ATP8A2: variants seen among roughly 807,000 people sequenced by gnomAD.
ATP8A2 encodes phospholipid-transporting ATPase IB.
A neutral mutation model predicts 165.6 loss-of-function variants in ATP8A2; 100 were observed. The observed-to-expected ratio is 0.60, with a 90% CI of 0.51 to 0.71. ATP8A2 has a LOEUF of 0.71. Ranked by LOEUF, ATP8A2 falls within the 30% of genes least tolerant of loss-of-function variation. The pLI is 0.00. For missense variants in ATP8A2, 1,227 were observed against 1,479.5 expected (o/e 0.83, Z 2.80); for synonymous variants, 543 against 548.8 (o/e 0.99, Z 0.15).
rs74932295 is a variant in ATP8A2, at chr13:25,749,329, A to C, written c.2385-19717A>C. Among the ~76,000 whole-genome samples, 534 of 152,010 alleles carry C rather than the reference A, an allele frequency of 3.5e-3. 4 individuals are homozygous for C. Among genetic ancestry groups the C allele is most frequent in the African/African-American group, 0.012 (510 of 41,450 alleles). ...GGGGGAAGTGAAGCTGGCAGAGGGG[A>C]AGGAGGGCCTGACGGAGATGGGAGA... On this transcript the variant is annotated intron_variant, in intron 25 of 36. Transcript: ENST00000381655.
intron 25 of ATP8A2, among the ~76,000 whole-genome samples, chr13:25,746,565 AG>A (rs2044035714): frequency 6.6e-6 from 1 of 152,244 alleles, no homozygotes; most frequent in South Asian, 2.1e-4. Flanking sequence ...AGTGCCTTAG[AG>A]TTAGAAAACA....
intron 25 of ATP8A2, among the ~76,000 whole-genome samples, chr13:25,767,653 C>T (rs1239687390): frequency 6.6e-6 from 1 of 152,200 alleles, no homozygotes; most frequent in Non-Finnish European, 1.5e-5. Context: ...AGTGGTCGCA[C>T]CTACTGCAGG....
chr13:25,644,672 C>T (rs9511856), intron 24 of ATP8A2, among the ~76,000 whole-genome samples: 37,596 of 151,920 alleles, frequency 0.25, 4,938 homozygotes, highest in South Asian at 0.46. Context: ...ACAGTGGAGC[C>T]ATCTAGCCTT....
intron 2 of ATP8A2, among the ~76,000 whole-genome samples, chr13:25,489,046 T>C (rs1298742117): frequency 6.6e-6 from 1 of 151,960 alleles, no homozygotes; most frequent in Non-Finnish European, 1.5e-5. Flanking sequence ...GTTGAGTGGA[T>C]TGTTTTCATG....
At chr13:25,492,087 C>T (rs2036544604) in intron 2 of ATP8A2, among the ~76,000 whole-genome samples, 1 of 152,262 alleles carries the variant, frequency 6.6e-6, no homozygotes, top group South Asian at 2.1e-4. Context: ...GACGGAGTCT[C>T]ACTCTGTTGT....
intron 4 of ATP8A2, among the ~76,000 whole-genome samples, chr13:25,531,817 C>T (rs1444891968): frequency 6.6e-6 from 1 of 152,094 alleles, no homozygotes; most frequent in African/African-American, 2.4e-5. Flanking sequence ...GACTTGGGTC[C>T]CATCCCAGAG....
In ATP8A2 at chr13:25,396,134, G is replaced by A. The variant is rs187160874; in HGVS notation, c.76+23846G>A. Among the ~76,000 whole-genome samples the A allele has an allele frequency of 5.9e-3, 892 of 152,246 alleles. 3 individuals carry two copies. Among genetic ancestry groups the A allele is most frequent in the Non-Finnish European group, 8.6e-3 (584 of 68,012 alleles). On this transcript the variant is annotated intron_variant, in intron 1 of 36. Coordinates refer to ENST00000381655, the MANE Select transcript of ATP8A2 (RefSeq NM_016529.6). ...TGAGATTACAGGTGTGAGCCACCAC[G>A]CCCAGCCCTGATCCAATGTTAATAG...
intron 33 of ATP8A2, among the ~76,000 whole-genome samples, chr13:25,947,831 G>C (rs1032490054): frequency 1.3e-5 from 2 of 152,084 alleles, no homozygotes; most frequent in Non-Finnish European, 2.9e-5. Flanking sequence ...ATCTGTTTGG[G>C]CACAGAATTA....
At chr13:25,501,742 A>G (rs2036858185) in intron 2 of ATP8A2, among the ~76,000 whole-genome samples, 1 of 152,236 alleles carries the variant, frequency 6.6e-6, no homozygotes, top group Non-Finnish European at 1.5e-5. Context: ...AAGGTAGCAT[A>G]AAGCTCAATG....
intron 24 of ATP8A2, among the ~76,000 whole-genome samples, chr13:25,622,705 C>T (rs1343356965): frequency 6.6e-6 from 1 of 152,172 alleles, no homozygotes; most frequent in Non-Finnish European, 1.5e-5. Context: ...TCTTCAGCAT[C>T]TCCAGGGGAA....
At chr13:25,763,878 C>A (rs929448490) in intron 25 of ATP8A2, among the ~76,000 whole-genome samples, 1 of 152,114 alleles carries the variant, frequency 6.6e-6, no homozygotes, top group African/African-American at 2.4e-5. Context: ...GCCATGGAGG[C>A]ATTTAATAAA....
At chr13:25,445,668 G>A (rs1385502022) in intron 1 of ATP8A2, among the ~76,000 whole-genome samples, 1 of 152,178 alleles carries the variant, frequency 6.6e-6, no homozygotes, top group Non-Finnish European at 1.5e-5. Flanking sequence ...ATTTTACAGA[G>A]GAGGACTCAT....
intron 27 of ATP8A2, among the ~76,000 whole-genome samples, chr13:25,794,827 A>ACG (rs894442230): frequency 1.5e-4 from 18 of 116,730 alleles, no homozygotes; most frequent in African/African-American, 4.2e-4. Flanking sequence ...TCCTACACAC[A>ACG]CACACACACA....
chr13:25,591,512 AT>A (rs1282575715), intron 24 of ATP8A2: 1 of 377,958 alleles, frequency 2.6e-6, no homozygotes, highest in African/African-American at 2.1e-5. Context: ...GCTGATTAAT[AT>A]TCCATTGCAT....
intron 25 of ATP8A2, among the ~76,000 whole-genome samples, chr13:25,747,368 G>A (rs756266816): frequency 5.3e-5 from 8 of 152,176 alleles, no homozygotes; most frequent in Admixed American, 1.3e-4. Flanking sequence ...TTTCAGTGTC[G>A]CATTTCCAAA....
intron 1 of ATP8A2, among the ~76,000 whole-genome samples, chr13:25,457,799 A>T (rs1212853827): frequency 6.6e-6 from 1 of 152,226 alleles, no homozygotes; most frequent in East Asian, 1.9e-4. Flanking sequence ...TCTGTGTCTG[A>T]GAAGAAAACG....
chr13:25,997,267 T>C (rs1956531161), intron 35 of ATP8A2, among the ~76,000 whole-genome samples: 1 of 152,214 alleles, frequency 6.6e-6, no homozygotes, highest in Non-Finnish European at 1.5e-5. Context: ...ACCTGAAAAA[T>C]GTTGTGCCAG....
chr13:25,975,795 C>G (rs1956022711), intron 35 of ATP8A2, among the ~76,000 whole-genome samples: 1 of 152,086 alleles, frequency 6.6e-6, no homozygotes, highest in South Asian at 2.1e-4. Flanking sequence ...TCCACCTATG[C>G]TTTAGGAGGC....
intron 33 of ATP8A2, among the ~76,000 whole-genome samples, chr13:25,899,079 A>G (rs962422101): frequency 1.3e-5 from 2 of 152,130 alleles, no homozygotes; most frequent in African/African-American, 2.4e-5. Context: ...TGAACCCAGT[A>G]CCTCAGTTGG....
Sources: allele counts gnomAD v4.1 joint callset (sites outside exome capture counted in the v4.1 genomes callset), GRCh38; gene constraint gnomAD v4.1.1; transcripts MANE v1.5; gene names NCBI Gene and HGNC (gene_info 2026-07-23, HGNC 2026-07-21).